SLC25A48: variants seen among roughly 807,000 people sequenced by gnomAD.
SLC25A48 encodes CTC-321K16.1.
SLC25A48 carries 29 observed loss-of-function variants against 32.2 expected under a neutral mutation model. That is an observed-to-expected ratio of 0.90 (90% CI 0.67 to 1.23). The LOEUF is 1.23. SLC25A48 is among the 50% of genes most tolerant of loss of function. The pLI is 0.00. For missense variants in SLC25A48, 399 were observed against 422.7 expected (o/e 0.94, Z 0.49); for synonymous variants, 164 against 172.3 (o/e 0.95, Z 0.38).
intron 3 of SLC25A48, among the ~76,000 whole-genome samples, chr5:135,792,235 TTAA>T (rs1757049708): frequency 6.6e-6 from 1 of 151,850 alleles, no homozygotes; most frequent in Non-Finnish European, 1.5e-5. Flanking sequence ...GATTTTAACT[TTAA>T]TATCTCACGG....
chr5:135,871,947 C>T (rs768430812), intron 5 of SLC25A48: 7 of 1,456,484 alleles, frequency 4.8e-6, no homozygotes, highest in Admixed American at 4.9e-5. Context: ...TTTCAGGCAA[C>T]AGATATATTT....
In SLC25A48 at chr5:135,718,196, C is replaced by T. The variant is rs111928317; in HGVS notation, c.-521+83240C>T. On this transcript the variant is annotated intron_variant, in intron 3 of 10. Transcript: ENST00000646290. ...CTAATTACAAGGAGTGACCTCAGGCCTTGGTGAGGGGTGAGGGAAGCTGAG... is the reference window on the plus strand; with the variant it reads ...CTAATTACAAGGAGTGACCTCAGGCTTTGGTGAGGGGTGAGGGAAGCTGAG... Among the ~76,000 whole-genome samples, 816 of 152,216 alleles carry T rather than the reference C, an allele frequency of 5.4e-3. 5 individuals carry two copies. Among genetic ancestry groups the T allele is most frequent in the African/African-American group, 0.019 (774 of 41,534 alleles).
intron 1 of SLC25A48, among the ~76,000 whole-genome samples, chr5:135,604,497 C>T (rs1269189361): frequency 6.6e-6 from 1 of 152,230 alleles, no homozygotes; most frequent in African/African-American, 2.4e-5. Context: ...GGGCTCAGAA[C>T]ACCTGTAGCC....
intron 5 of SLC25A48, 86 bp from the exon 6 acceptor site, chr5:135,873,935 C>T: frequency 7.3e-7 from 1 of 1,372,490 alleles, no homozygotes; most frequent in South Asian, 1.5e-5. Flanking sequence ...CTTAATGAAT[C>T]TCTAAATGGT....
At chr5:135,600,140 T>C (rs763474077) in intron 1 of SLC25A48, among the ~76,000 whole-genome samples, 1 of 152,168 alleles carries the variant, frequency 6.6e-6, no homozygotes, top group Non-Finnish European at 1.5e-5. Context: ...TTGGGTGTGG[T>C]TTTTGATTGA....
intron 7 of SLC25A48, 95 bp from the exon 8 acceptor site, chr5:135,887,937 T>G: frequency 1.7e-6 from 2 of 1,161,784 alleles, no homozygotes; most frequent in Non-Finnish European, 2.5e-6. Flanking sequence ...GTGCAAAACA[T>G]AGGGGTTAGA....
intron 1 of SLC25A48, among the ~76,000 whole-genome samples, chr5:135,836,246 G>T (rs577251615): frequency 7.9e-5 from 12 of 151,998 alleles, no homozygotes; most frequent in African/African-American, 2.9e-4. Context: ...AACCCTCCCC[G>T]ACTCACAGCA....
intron 4 of SLC25A48, among the ~76,000 whole-genome samples, chr5:135,854,142 T>TTTC (rs1460862193): frequency 1.3e-5 from 2 of 152,244 alleles, no homozygotes; most frequent in African/African-American, 4.8e-5. Flanking sequence ...CATCCAGGCC[T>TTTC]TGTTGTTCCT....
At chr5:135,839,440 T>A (rs1316074249) in intron 1 of SLC25A48, among the ~76,000 whole-genome samples, 1 of 152,168 alleles carries the variant, frequency 6.6e-6, no homozygotes, top group Non-Finnish European at 1.5e-5. Context: ...GGAACAGGTG[T>A]ATTTACCCAA....
chr5:135,792,604 A>C (rs1757060774), intron 3 of SLC25A48, among the ~76,000 whole-genome samples: 1 of 151,762 alleles, frequency 6.6e-6, no homozygotes, highest in African/African-American at 2.4e-5. Flanking sequence ...CTGTGCATTT[A>C]CACCTTGTTT....
chr5:135,802,216 G>C (rs1757348239), intron 3 of SLC25A48, among the ~76,000 whole-genome samples: 2 of 151,836 alleles, frequency 1.3e-5, no homozygotes, highest in South Asian at 4.1e-4. Context: ...ATCATAGGGA[G>C]ATATTTCTCC....
chr5:135,604,556 C>T (rs2126886218), intron 1 of SLC25A48, among the ~76,000 whole-genome samples: 1 of 152,314 alleles, frequency 6.6e-6, no homozygotes, highest in South Asian at 2.1e-4. Flanking sequence ...GTTTTTGCCT[C>T]TGGTTCCCTA....
At chr5:135,777,784 C>CGGG (rs55658230) in intron 3 of SLC25A48, among the ~76,000 whole-genome samples, 6 of 142,334 alleles carry the variant, frequency 4.2e-5, no homozygotes, top group Admixed American at 7.2e-5. Context: ...TCCTAATATC[C>CGGG]GGGGGGGGGG....
intron 2 of SLC25A48, among the ~76,000 whole-genome samples, chr5:135,630,088 C>T (rs922941790): frequency 1.3e-5 from 2 of 152,174 alleles, no homozygotes; most frequent in African/African-American, 4.8e-5. Flanking sequence ...AGGAAGGGAT[C>T]ATGCATATGC....
At chr5:135,644,716 C>G (rs1272517146) in intron 3 of SLC25A48, among the ~76,000 whole-genome samples, 1 of 152,136 alleles carries the variant, frequency 6.6e-6, no homozygotes, top group Non-Finnish European at 1.5e-5. Flanking sequence ...GCTCTTTGCA[C>G]AACACATGGA....
chr5:135,705,276 G>C (rs1754481541), intron 3 of SLC25A48, among the ~76,000 whole-genome samples: 1 of 152,230 alleles, frequency 6.6e-6, no homozygotes, highest in Non-Finnish European at 1.5e-5. Flanking sequence ...AGCAGCTGCT[G>C]TCATGGCAGT....
At chr5:135,884,320 T>C (rs564138906) in intron 7 of SLC25A48, among the ~76,000 whole-genome samples, 2 of 152,336 alleles carry the variant, frequency 1.3e-5, no homozygotes, top group South Asian at 4.1e-4. Flanking sequence ...AACCTGTTAC[T>C]GGAGCGGAGG....
intron 3 of SLC25A48, among the ~76,000 whole-genome samples, chr5:135,727,385 G>T (rs981292857): frequency 1.3e-5 from 2 of 151,958 alleles, no homozygotes; most frequent in African/African-American, 4.8e-5. Flanking sequence ...TCCTAGCAGG[G>T]TCTTTTTCGG....
chr5:135,674,216 A>C (rs1011150088), intron 3 of SLC25A48, among the ~76,000 whole-genome samples: 5 of 152,032 alleles, frequency 3.3e-5, no homozygotes, highest in African/African-American at 1.2e-4. Context: ...ACTGTATAAT[A>C]ATCAAGTCAG....
Sources: allele counts gnomAD v4.1 joint callset (sites outside exome capture counted in the v4.1 genomes callset), GRCh38; gene constraint gnomAD v4.1.1; transcripts MANE v1.5; gene names NCBI Gene and HGNC (gene_info 2026-07-23, HGNC 2026-07-21).